Variants in HOTAIR observed in about 807,000 individuals in gnomAD.
HOTAIR encodes HOX transcript antisense RNA, also known as HOX transcript antisense RNA (non-protein coding).
chr12:53,974,410 A>T (rs1014030970), intron 1 of HOTAIR, among the ~76,000 whole-genome samples: 1 of 152,096 alleles, frequency 6.6e-6, no homozygotes, highest in East Asian at 1.9e-4. Context: ...ATGGAGCAGA[A>T]CCTGAGACCG....
intron 1 of HOTAIR, among the ~76,000 whole-genome samples, chr12:53,971,297 G>T (rs1021986837): frequency 7.2e-5 from 11 of 152,188 alleles, no homozygotes; most frequent in African/African-American, 2.7e-4. Flanking sequence ...AGCATTGAGT[G>T]CGTAGAGGGG....
At chr12:53,970,918 G>T (rs911750590) in intron 1 of HOTAIR, among the ~76,000 whole-genome samples, 1 of 152,210 alleles carries the variant, frequency 6.6e-6, no homozygotes, top group Non-Finnish European at 1.5e-5. Flanking sequence ...AGAGCCTTGG[G>T]TGGAAGTGGA....
chr12:53,962,758 T>C (rs1029893766), exon 7 of HOTAIR: 1 of 152,238 alleles, frequency 6.6e-6, no homozygotes, highest in Admixed American at 6.5e-5. Flanking sequence ...ATACCCCTTC[T>C]GTGTCTACAT....
At chr12:53,962,579 G>A (rs1177510527) in exon 7 of HOTAIR, 2 of 152,182 alleles carry the variant, frequency 1.3e-5, no homozygotes, top group African/African-American at 4.8e-5. Flanking sequence ...TACATACTGT[G>A]TGTGTACTAA....
intron 1 of HOTAIR, among the ~76,000 whole-genome samples, chr12:53,971,925 T>C (rs1208695013): frequency 6.6e-6 from 1 of 152,092 alleles, no homozygotes; most frequent in Non-Finnish European, 1.5e-5. Flanking sequence ...GGCTGAGAAA[T>C]AGGAAGGAGG....
intron 5 of HOTAIR, among the ~76,000 whole-genome samples, chr12:53,964,960 T>A (rs540439656): frequency 8.3e-4 from 127 of 152,330 alleles, no homozygotes; most frequent in African/African-American, 2.9e-3. Flanking sequence ...TCATTACAAG[T>A]AAGGGGATAA....
exon 3 of HOTAIR, chr12:53,967,353 T>C (rs1939073593): frequency 3.3e-5 from 5 of 152,112 alleles, no homozygotes; most frequent in Admixed American, 3.3e-4. Context: ...GGGGTGTTGG[T>C]CTGTGGAACT....
exon 7 of HOTAIR, chr12:53,962,969 A>G (rs1463880452): frequency 6.6e-6 from 1 of 152,266 alleles, no homozygotes; most frequent in Non-Finnish European, 1.5e-5. Context: ...TAAGCATATT[A>G]TAGAGTTGCT....
In HOTAIR at chr12:53,973,883, C is replaced by T. The variant is rs1307248132; in HGVS notation, n.59+1015G>A. The T allele has an allele frequency of 1.4e-6, 2 of 1,454,818 alleles. No individual in the cohort carries two copies. Among genetic ancestry groups the T allele is most frequent in the Non-Finnish European group, 1.8e-6 (2 of 1,103,414 alleles). The allele number at this position is 1,454,818 out of a possible 1,614,324, so 90.1% of individuals were successfully genotyped here. A position where few individuals can be genotyped will look rare whatever the true frequency, so the allele number is the denominator to read the frequency against. ...CAAATCCCAGCTCGTCCGGTTCAGC[C>T]CACTCCGTGGCCAAGGAGCCGGCCA... On this transcript the variant is annotated intron_variant and non_coding_transcript_variant, in intron 1 of 6. Coordinates refer to ENST00000424518, the Ensembl canonical transcript of HOTAIR. The surrounding 1 kb of genome is among the most constrained non-coding windows in gnomAD (Gnocchi z 4.3).
At chr12:53,974,102 C>T (rs1248385425) in intron 1 of HOTAIR, among the ~76,000 whole-genome samples, 1 of 152,088 alleles carries the variant, frequency 6.6e-6, no homozygotes, top group East Asian at 1.9e-4. Context: ...GCCCTCTCTC[C>T]CAACGACTCG....
In HOTAIR at chr12:53,973,116, T is replaced by G; in HGVS notation, n.59+1782A>C. On this transcript the variant is annotated intron_variant and non_coding_transcript_variant, in intron 1 of 6. Transcript: ENST00000424518. The surrounding 1 kb of genome is among the most constrained non-coding windows in gnomAD (Gnocchi z 4.3). ...CGAACTGATATATGACAATATCTACTTTGGATCACGTGCTCAGAGAGAGAG... is the reference window on the plus strand; with the variant it reads ...CGAACTGATATATGACAATATCTACGTTGGATCACGTGCTCAGAGAGAGAG... 1.4e-6 allele frequency: 1 copy of G among 709,678 alleles called. No individual in the cohort carries two copies. The highest frequency in any genetic ancestry group is 3.9e-4 in the Middle Eastern group (1 of 2,576). 44.0% of individuals were successfully genotyped at this position (709,678 alleles called of 1,614,324 possible). A position where few individuals can be genotyped will look rare whatever the true frequency, so the allele number is the denominator to read the frequency against.
At position 53,973,075 on chromosome 12, in the gene HOTAIR, C is replaced by T; in HGVS notation, n.59+1823G>A. ...CTTACCTAAGAGAGAACCCCTCCTA[C>T]GTCTGCGAAGTGCTCCGAACTGATA... On this transcript the variant is annotated intron_variant and non_coding_transcript_variant, in intron 1 of 6. Coordinates refer to ENST00000424518, the Ensembl canonical transcript of HOTAIR. This position sits in a 1 kb window ranked among gnomAD's most constrained non-coding sequence, Gnocchi z 4.3. The T allele has an allele frequency of 1.8e-6, 1 of 564,140 alleles. No individual in the cohort carries two copies. Among genetic ancestry groups the T allele is most frequent in the Non-Finnish European group, 3.1e-6 (1 of 325,888 alleles). 34.9% of individuals were successfully genotyped at this position (564,140 alleles called of 1,614,324 possible).
At chr12:53,962,703 A>AG (rs3839967) in exon 7 of HOTAIR, 83,104 of 151,844 alleles carry the variant, frequency 0.55, 24,743 homozygotes, top group East Asian at 0.72. Context: ...CCATCTGCTG[A>AG]TTTTTTTTCT....
chr12:53,973,381 TCTC>T lies in HOTAIR; in HGVS notation n.59+1514_59+1516del, dbSNP rs1592195788. The stretch of plus-strand genomic sequence containing the variant: ...TACTACATGCCCGAGTTCTCCACGG[TCTC>T]CTCCTTCCTGCCCCAGGCCCCCTCT... On this transcript the variant is annotated intron_variant and non_coding_transcript_variant, in intron 1 of 6. Coordinates refer to ENST00000424518, the Ensembl canonical transcript of HOTAIR. The surrounding 1 kb of genome is among the most constrained non-coding windows in gnomAD (Gnocchi z 4.3). 1.2e-6 allele frequency: 2 copies of T among 1,614,000 alleles called. No homozygotes were observed. The highest frequency in any genetic ancestry group is 1.7e-6 in the Non-Finnish European group (2 of 1,179,996).
chr12:53,973,980 G>A lies in HOTAIR; in HGVS notation n.59+918C>T, dbSNP rs1240597748. On this transcript the variant is annotated intron_variant and non_coding_transcript_variant, in intron 1 of 6. Transcript: ENST00000424518. This position sits in a 1 kb window ranked among gnomAD's most constrained non-coding sequence, Gnocchi z 4.3. Reference sequence around the variant, plus strand: ...AGCGAGGGAGGGAGCGAGAGAGGGAGGGCGAGAGAAGGGGGGAGGCAAGGG... The same window carrying A: ...AGCGAGGGAGGGAGCGAGAGAGGGAAGGCGAGAGAAGGGGGGAGGCAAGGG... 1.4e-6 allele frequency: 2 copies of A among 1,395,492 alleles called. No homozygotes were observed. Among genetic ancestry groups the A allele is most frequent in the African/African-American group, 1.5e-5 (1 of 67,980 alleles). 86.4% of individuals were successfully genotyped at this position (1,395,492 alleles called of 1,614,324 possible).
chr12:53,973,809 G>A lies in HOTAIR; in HGVS notation n.59+1089C>T, dbSNP rs1369158529. The A allele has an allele frequency of 3.2e-6, 5 of 1,562,048 alleles. No individual in the cohort carries two copies. In the Admixed American group the frequency reaches 6.2e-5, roughly 19 times the overall value. ...CGAGGCACCCCCGGCCTCGGGACTGGCGTCCCGGGCTGAGGCGGGTGCCGA... is the reference window on the plus strand; with the variant it reads ...CGAGGCACCCCCGGCCTCGGGACTGACGTCCCGGGCTGAGGCGGGTGCCGA... On this transcript the variant is annotated intron_variant and non_coding_transcript_variant, in intron 1 of 6. Coordinates refer to ENST00000424518, the Ensembl canonical transcript of HOTAIR. The surrounding 1 kb of genome is among the most constrained non-coding windows in gnomAD (Gnocchi z 4.3).
At chr12:53,972,615 A>T (rs1939166260) in intron 1 of HOTAIR, among the ~76,000 whole-genome samples, 1 of 152,212 alleles carries the variant, frequency 6.6e-6, no homozygotes, top group South Asian at 2.1e-4. Context: ...TCTGGCCAGG[A>T]AAAGAGTGGA....
At chr12:53,966,098 G>T (rs1374188793) in intron 4 of HOTAIR, 1 of 152,258 alleles carries the variant, frequency 6.6e-6, no homozygotes, top group African/African-American at 2.4e-5. Context: ...CTTTACCGGG[G>T]GTGAGCCGGC....
In HOTAIR at chr12:53,973,784, C is replaced by A; in HGVS notation, n.59+1114G>T. On this transcript the variant is annotated intron_variant and non_coding_transcript_variant, in intron 1 of 6. Transcript: ENST00000424518. The surrounding 1 kb of genome is among the most constrained non-coding windows in gnomAD (Gnocchi z 4.3). ...GCAAGGGCGAGGCCAAGGGGGAGCC[C>A]GAGGCACCCCCGGCCTCGGGACTGG... 1 of 1,603,230 alleles carries A rather than the reference C, an allele frequency of 6.2e-7. No homozygotes were observed.
Sources: gnomAD v4.1 joint callset for allele counts (sites outside exome capture counted in the v4.1 genomes callset) on GRCh38, gnomAD v4.1.1 for gene constraint, Gnocchi (gnomAD v3.1) non-coding constraint, MANE v1.5 for transcripts, NCBI Gene and HGNC (gene_info 2026-07-23, HGNC 2026-07-21) for gene names.